Variants in NOL10 observed in about 807,000 individuals in gnomAD.
NOL10 encodes the protein H_NH0074G24.1.
In NOL10, 58 loss-of-function variants were observed where a neutral mutation model predicts 103.5. That is an observed-to-expected ratio of 0.56 (90% confidence interval 0.45 to 0.70). The LOEUF is 0.70. NOL10 is among the 30% of genes least tolerant of loss of function. The pLI, the probability that NOL10 is intolerant of heterozygous loss-of-function variation, is 0.00. For missense variants in NOL10, 763 were observed against 807.3 expected, an observed-to-expected ratio of 0.95 and a Z score of 0.67; for synonymous variants, 287 against 282.5, an observed-to-expected ratio of 1.02 and a Z score of -0.16.
At position 10,592,883 on chromosome 2, in the gene NOL10, G is replaced by A. The variant is rs966760558; in HGVS notation, c.1423-3132C>T. The stretch of plus-strand genomic sequence containing the variant: ...TTTCACAGCTGTCTTAAGGAAAAAA[G>A]TAGGATAAGGTATAGCTATTAATGT... On this transcript the variant is annotated intron_variant, in intron 17 of 20. Transcript: ENST00000381685. 2.6e-5 allele frequency among the ~76,000 whole-genome samples: 4 copies of A among 152,142 alleles called. No individual in the cohort carries two copies. The East Asian group carries it at 5.8e-4, about 22-fold the overall frequency.
intron 13 of NOL10, among the ~76,000 whole-genome samples, chr2:10,611,358 T>C (rs1221741212): frequency 1.3e-5 from 2 of 152,218 alleles, no homozygotes; most frequent in Non-Finnish European, 1.5e-5. Flanking sequence ...GACATGAAAA[T>C]ACATGCCATG....
At chr2:10,581,806 G>A (rs1363553719) in intron 19 of NOL10, among the ~76,000 whole-genome samples, 1 of 151,526 alleles carries the variant, frequency 6.6e-6, no homozygotes, top group Admixed American at 6.6e-5. Context: ...GGGCGACAGT[G>A]TGAGACCCAT....
At chr2:10,596,253 T>TGGGGGG (rs1469968902) in intron 17 of NOL10, among the ~76,000 whole-genome samples, 1 of 17,812 alleles carries the variant, frequency 5.6e-5, no homozygotes, top group African/African-American at 4.9e-4. Context: ...CCACAGATGG[T>TGGGGGG]GGTGGGGGGC....
At chr2:10,664,347 GA>G (rs1280916672) in intron 8 of NOL10, among the ~76,000 whole-genome samples, 1 of 152,100 alleles carries the variant, frequency 6.6e-6, no homozygotes, top group African/African-American at 2.4e-5. Flanking sequence ...AGAATCGCTT[GA>G]ACCTGGGAGG....
In NOL10 at chr2:10,671,633, A is replaced by G. The variant is rs1572419294; in HGVS notation, c.385T>C (p.Tyr129His). Residue 129 changes from tyrosine (Y) to histidine (H), a missense_variant, in exon 6 of 21, where the codon TAC becomes CAC. Coordinates refer to ENST00000381685, the MANE Select transcript of NOL10 (RefSeq NM_024894.4). ...CCAAACTTTGGTATTCTGGTTTTGTAGTAAAAACCTGATTGCGAATGAAAT... is the reference window on the plus strand; with the variant it reads ...CCAAACTTTGGTATTCTGGTTTTGTGGTAAAAACCTGATTGCGAATGAAAT... The part of the protein sequence containing the change: ...IEFHSQSGFY[Y>H]KTRIPKFGRD... 2 of 1,590,032 alleles carry G rather than the reference A, an allele frequency of 1.3e-6. No homozygotes were observed. The highest frequency in any genetic ancestry group is 1.7e-6 in the Non-Finnish European group (2 of 1,165,874).
At chr2:10,642,171 C>T (rs936980074) in intron 13 of NOL10, among the ~76,000 whole-genome samples, 1 of 152,246 alleles carries the variant, frequency 6.6e-6, no homozygotes, top group African/African-American at 2.4e-5. Context: ...TAACGCTGGT[C>T]TGAGGGCAGC....
At chr2:10,668,770 A>G (rs1680718243) in intron 6 of NOL10, 47 bp from the exon 7 acceptor site, 2 of 784,516 alleles carry the variant, frequency 2.5e-6, no homozygotes, top group South Asian at 2.5e-5. Context: ...CTACAATGAA[A>G]CTTTAAGTAA....
intron 13 of NOL10, among the ~76,000 whole-genome samples, chr2:10,620,003 T>C (rs979714954): frequency 1.1e-4 from 16 of 152,338 alleles, no homozygotes; most frequent in Non-Finnish European, 2.1e-4. Flanking sequence ...CACGCACACA[T>C]GCCCCAAGGA....
chr2:10,610,939 C>G (rs901523712), intron 13 of NOL10, among the ~76,000 whole-genome samples: 41 of 152,288 alleles, frequency 2.7e-4, no homozygotes, highest in African/African-American at 9.6e-4. Flanking sequence ...TCAGTCATAC[C>G]ATGTTGCCCA....
chr2:10,638,959 C>T (rs1678514157), intron 13 of NOL10, among the ~76,000 whole-genome samples: 1 of 151,624 alleles, frequency 6.6e-6, no homozygotes, highest in Non-Finnish European at 1.5e-5. Flanking sequence ...CACACCACCA[C>T]GCCTGGTTAA....
intron 13 of NOL10, among the ~76,000 whole-genome samples, chr2:10,636,254 A>C (rs956504378): frequency 6.6e-6 from 1 of 152,016 alleles, no homozygotes; most frequent in Non-Finnish European, 1.5e-5. Context: ...AAAACAACAT[A>C]TACTCTGGAT....
intron 10 of NOL10, 60 bp downstream of exon 10, chr2:10,659,112 C>G: frequency 9.2e-7 from 1 of 1,089,384 alleles, no homozygotes; most frequent in Non-Finnish European, 1.4e-6. Context: ...TTTCTCATGA[C>G]ACATACACAC....
At chr2:10,684,910 C>T (rs1013073555) in intron 1 of NOL10, among the ~76,000 whole-genome samples, 5 of 152,144 alleles carry the variant, frequency 3.3e-5, no homozygotes, top group African/African-American at 1.2e-4. Flanking sequence ...CTGTAGCTCA[C>T]CGAAGGCTCA....
chr2:10,647,807 T>C (rs960026376), intron 12 of NOL10, among the ~76,000 whole-genome samples: 9 of 152,232 alleles, frequency 5.9e-5, no homozygotes, highest in Non-Finnish European at 1.0e-4. Context: ...TAAAAGGCTA[T>C]TTCACACTTA....
chr2:10,679,083 G>C (rs902613409), intron 3 of NOL10, among the ~76,000 whole-genome samples: 2 of 151,812 alleles, frequency 1.3e-5, no homozygotes, highest in African/African-American at 4.8e-5. Flanking sequence ...TTTTTGGCCG[G>C]GTGCGGTGGC....
At chr2:10,646,104 G>A (rs1679056143) in intron 12 of NOL10, among the ~76,000 whole-genome samples, 1 of 152,050 alleles carries the variant, frequency 6.6e-6, no homozygotes, top group Non-Finnish European at 1.5e-5. Flanking sequence ...CACTTTTTCT[G>A]GCCTTCCAAA....
chr2:10,658,953 C>A (rs1287810154), intron 10 of NOL10, among the ~76,000 whole-genome samples: 1 of 152,078 alleles, frequency 6.6e-6, no homozygotes, highest in Non-Finnish European at 1.5e-5. Flanking sequence ...GTGGTGCAGG[C>A]CTATCCCACT....
chr2:10,676,683 A>C (rs1681331195), intron 3 of NOL10, among the ~76,000 whole-genome samples: 1 of 147,798 alleles, frequency 6.8e-6, no homozygotes, highest in South Asian at 2.1e-4. Context: ...TGTCATTTAG[A>C]CTGGGGTGCA....
Position 10,588,518 on chromosome 2 carries a change from G to A in NOL10, c.1844+525C>T, listed in dbSNP as rs1030747951. 1.3e-5 allele frequency among the ~76,000 whole-genome samples: 2 copies of A among 152,130 alleles called. 1 individual carries two copies. Among genetic ancestry groups the A allele is most frequent in the South Asian group, 4.2e-4 (2 of 4,814 alleles). ...TCCAAGTAACCTTTTCAATAACCAGGTAAAGTGAGATGGGGTAAACATAAC... is the reference window on the plus strand; with the variant it reads ...TCCAAGTAACCTTTTCAATAACCAGATAAAGTGAGATGGGGTAAACATAAC... On this transcript the variant is annotated intron_variant, in intron 19 of 20. Transcript: ENST00000381685.
Sources: gnomAD v4.1 joint callset for allele counts (sites outside exome capture counted in the v4.1 genomes callset) on GRCh38, gnomAD v4.1.1 for gene constraint, MANE v1.5 for transcripts, NCBI Gene and HGNC (gene_info 2026-07-23, HGNC 2026-07-21) for gene names.